AKAP13: variants seen among roughly 807,000 people sequenced by gnomAD.
The protein encoded by AKAP13 is A-kinase anchoring protein 13.
Under a neutral mutation model 264.5 loss-of-function variants are expected in AKAP13, and 80 were observed. The ratio of observed to expected loss-of-function variants is 0.30; its 90% CI spans 0.25 to 0.36. AKAP13 has a LOEUF of 0.36. Ranked by LOEUF, AKAP13 falls within the 10% of genes least tolerant of loss-of-function variation. The pLI is 1.00. For missense variants in AKAP13, 3,712 were observed against 3,435.2 expected (o/e 1.08, Z -2.01); for synonymous variants, 1,380 against 1,250.2 (o/e 1.10, Z -2.19).
chr15:85,565,468 T>C lies in AKAP13; in HGVS notation c.663-9663T>C, dbSNP rs1173305097. Among the ~76,000 whole-genome samples, 6 of 152,366 alleles carry C rather than the reference T, an allele frequency of 3.9e-5. No homozygotes were observed. The East Asian group carries it at 1.2e-3, about 29-fold the overall frequency. Reference sequence around the variant, plus strand: ...CCTGATTTGGTTACAATATAATCTTTGTTCACATTTTTCAAGGTAAATTTT... The same window carrying C: ...CCTGATTTGGTTACAATATAATCTTCGTTCACATTTTTCAAGGTAAATTTT... On this transcript the variant is annotated intron_variant, in intron 5 of 36. Coordinates refer to ENST00000394518, the MANE Select transcript of AKAP13 (RefSeq NM_007200.5).
At position 85,747,205 on chromosome 15, in the gene AKAP13, G is replaced by A. The variant is rs1051126786; in HGVS notation, c.*2528G>A. ...GTGCAGCAACAGAACCGCTTACCAA[G>A]AACTGTGCTTACATACCTTTGTCAT... On this transcript the variant is annotated 3_prime_UTR_variant, in exon 37 of 37. Coordinates refer to ENST00000394518, the MANE Select transcript of AKAP13 (RefSeq NM_007200.5). 19 of 152,210 alleles carry A rather than the reference G, an allele frequency of 1.2e-4. No homozygotes were observed. The highest frequency in any genetic ancestry group is 4.1e-4 in the African/African-American group (17 of 41,432). The allele number at this position is 152,210 out of a possible 1,614,324, so 9.4% of individuals were successfully genotyped here.
chr15:85,662,394 C>G (rs1242787303), intron 12 of AKAP13: 1 of 1,614,158 alleles, frequency 6.2e-7, no homozygotes, highest in Non-Finnish European at 8.5e-7. Flanking sequence ...CCAGTATGAG[C>G]TGGTGCCCCT....
Position 85,417,786 on chromosome 15 carries a change from G to A in AKAP13, c.-12+36988G>A, listed in dbSNP as rs180828526. On this transcript the variant is annotated intron_variant, in intron 1 of 36. Coordinates refer to ENST00000394518, the MANE Select transcript of AKAP13 (RefSeq NM_007200.5). ...TTACAGATGGAGAAATGCAGCTTAT[G>A]TATTAAGCAGCTGATCAGGCAGCAC... 1.1e-4 allele frequency among the ~76,000 whole-genome samples: 16 copies of A among 152,280 alleles called. No homozygotes were observed. In the East Asian group the frequency reaches 2.9e-3, roughly 28 times the overall value.
chr15:85,670,925 C>T (rs889641955), intron 14 of AKAP13: 11 of 152,010 alleles, frequency 7.2e-5, no homozygotes, highest in African/African-American at 2.4e-4. Context: ...TGTTGTTTGT[C>T]ACAAAAAAGG....
chr15:85,415,574 A>G (rs1427945418), intron 1 of AKAP13: 1 of 1,424,830 alleles, frequency 7.0e-7, no homozygotes, highest in African/African-American at 1.4e-5. Flanking sequence ...ATGGGAAATT[A>G]GTGGTGGACT....
At chr15:85,531,241 A>G (rs1210293786) in intron 3 of AKAP13, among the ~76,000 whole-genome samples, 4 of 152,126 alleles carry the variant, frequency 2.6e-5, no homozygotes. Flanking sequence ...CTCTCCCCAG[A>G]TTGCACTGTA....
At chr15:85,417,337 T>C (rs971613683) in intron 1 of AKAP13, among the ~76,000 whole-genome samples, 30 of 152,168 alleles carry the variant, frequency 2.0e-4, no homozygotes, top group African/African-American at 6.3e-4. Flanking sequence ...AATTTAAAAT[T>C]GGTATGTATG....
rs35055935 is a variant in AKAP13, at chr15:85,573,487, T to C, written c.663-1644T>C. ...ATGAACCTGGGAGTTAGAGGTTGCA[T>C]TGAGCCAAGATCGCACCACCGCACT... is the stretch of plus-strand genomic sequence containing the variant. On this transcript the variant is annotated intron_variant, in intron 5 of 36. Transcript: ENST00000394518. 3.7e-3 allele frequency among the ~76,000 whole-genome samples: 560 copies of C among 151,916 alleles called. 1 individual carries two copies. The highest frequency in any genetic ancestry group is 7.3e-3 in the Admixed American group (111 of 15,230).
intron 17 of AKAP13, chr15:85,702,802 C>T (rs1046984395): frequency 6.6e-6 from 1 of 152,226 alleles, no homozygotes; most frequent in African/African-American, 2.4e-5. Context: ...AGAGGAATGT[C>T]TTTTCAACTC....
chr15:85,427,397 T>C (rs1229066992), intron 1 of AKAP13, among the ~76,000 whole-genome samples: 1 of 152,166 alleles, frequency 6.6e-6, no homozygotes, highest in Non-Finnish European at 1.5e-5. Context: ...CTTCTCCTAG[T>C]ACATGATGTT....
intron 8 of AKAP13, among the ~76,000 whole-genome samples, chr15:85,595,874 A>G (rs879833282): frequency 1.1e-4 from 17 of 152,264 alleles, no homozygotes; most frequent in Non-Finnish European, 1.9e-4. Flanking sequence ...ACCACAGAAT[A>G]TGAAAAATGG....
At position 85,470,095 on chromosome 15, in the gene AKAP13, C is replaced by T. The variant is rs1235268607; in HGVS notation, c.-11-15615C>T. Among the ~76,000 whole-genome samples, 5 of 152,152 alleles carry T rather than the reference C, an allele frequency of 3.3e-5. No homozygotes were observed. In the South Asian group the frequency reaches 1.0e-3, roughly 32 times the overall value. ...CTGAGGTCAGGAGTTCGAGACCAGC[C>T]TGGCCAACACGGTGAAACCCTGTCT... On this transcript the variant is annotated intron_variant, in intron 1 of 36. Coordinates refer to ENST00000394518, the MANE Select transcript of AKAP13 (RefSeq NM_007200.5).
chr15:85,679,061 A>C (rs1436109064), intron 14 of AKAP13, among the ~76,000 whole-genome samples: 1 of 151,926 alleles, frequency 6.6e-6, no homozygotes, highest in African/African-American at 2.4e-5. Context: ...CAACATAGTG[A>C]AACCCCATCT....
intron 3 of AKAP13, among the ~76,000 whole-genome samples, chr15:85,525,734 T>G (rs1415283519): frequency 6.6e-6 from 1 of 152,216 alleles, no homozygotes; most frequent in Non-Finnish European, 1.5e-5. Flanking sequence ...TGAGATTTGT[T>G]TTTTTAAGAC....
chr15:85,456,441 T>C (rs900675086), intron 1 of AKAP13, among the ~76,000 whole-genome samples: 4 of 152,028 alleles, frequency 2.6e-5, no homozygotes, highest in African/African-American at 9.7e-5. Flanking sequence ...CACTTTTCTG[T>C]TTTCTTCTTT....
chr15:85,408,801 CT>C, intron 1 of AKAP13, among the ~76,000 whole-genome samples: 1 of 151,950 alleles, frequency 6.6e-6, no homozygotes, highest in Admixed American at 6.5e-5. Flanking sequence ...GTACAGACAT[CT>C]TTCGAAGTCC....
intron 35 of AKAP13, 72 bp from the exon 36 acceptor site, chr15:85,743,420 C>G (rs932424092): frequency 2.0e-5 from 31 of 1,513,112 alleles, no homozygotes; most frequent in Non-Finnish European, 2.5e-5. Context: ...TGAATTCAGC[C>G]AGGATTTATT....
At chr15:85,677,709 T>A (rs2084319211) in intron 14 of AKAP13, among the ~76,000 whole-genome samples, 1 of 150,876 alleles carries the variant, frequency 6.6e-6, no homozygotes, top group Non-Finnish European at 1.5e-5. Context: ...TGGAGTGCAG[T>A]GGCGCGATCT....
At chr15:85,486,951 G>T (rs762161239) in intron 2 of AKAP13, among the ~76,000 whole-genome samples, 1 of 151,944 alleles carries the variant, frequency 6.6e-6, no homozygotes, top group Non-Finnish European at 1.5e-5. Context: ...TGTTTGCCAG[G>T]GTGGTCTCGA....
Sources: allele counts gnomAD v4.1 joint callset (sites outside exome capture counted in the v4.1 genomes callset), GRCh38; gene constraint gnomAD v4.1.1; transcripts MANE v1.5; gene names NCBI Gene and HGNC (gene_info 2026-07-23, HGNC 2026-07-21).